SMAP1: variants seen among roughly 807,000 people sequenced by gnomAD.
The protein encoded by SMAP1 is small ArfGAP 1, also known as stromal membrane-associated protein 1.
In SMAP1, 24 loss-of-function variants were observed where a neutral mutation model predicts 58.5. The observed-to-expected ratio is 0.41, with a 90% CI of 0.30 to 0.58. The LOEUF is 0.58. Ranked by LOEUF, SMAP1 falls within the 20% of genes least tolerant of loss-of-function variation. SMAP1 has a pLI of 0.29. For synonymous variants in SMAP1, 216 were observed against 196.6 expected, an observed-to-expected ratio of 1.10 and a Z score of -0.82; for missense variants, 563 against 566.3, an observed-to-expected ratio of 0.99 and a Z score of 0.06.
At chr6:70,805,673 C>G (rs1199484492) in intron 6 of SMAP1, among the ~76,000 whole-genome samples, 1 of 152,176 alleles carries the variant, frequency 6.6e-6, no homozygotes, top group African/African-American at 2.4e-5. Context: ...TGGTGACCTA[C>G]AGATGGGGTT....
chr6:70,798,533 G>A (rs983928147), intron 5 of SMAP1, 124 bp from the exon 6 acceptor site: 17 of 649,836 alleles, frequency 2.6e-5, no homozygotes, highest in African/African-American at 1.6e-4. Context: ...TCAGTAGCAC[G>A]TAGATATTGT....
intron 2 of SMAP1, among the ~76,000 whole-genome samples, chr6:70,736,452 A>G (rs564053882): frequency 6.6e-6 from 1 of 152,298 alleles, no homozygotes; most frequent in African/African-American, 2.4e-5. Flanking sequence ...ACCAGAATTA[A>G]CTGTTGTTTT....
intron 3 of SMAP1, among the ~76,000 whole-genome samples, chr6:70,767,036 T>C (rs1370411128): frequency 6.6e-6 from 1 of 152,118 alleles, no homozygotes; most frequent in African/African-American, 2.4e-5. Flanking sequence ...TTCTCAGGTT[T>C]GTCAAAGATC....
intron 6 of SMAP1, among the ~76,000 whole-genome samples, chr6:70,827,377 A>G (rs958504930): frequency 6.6e-6 from 1 of 152,248 alleles, no homozygotes; most frequent in Non-Finnish European, 1.5e-5. Context: ...TCCTGAATAT[A>G]GCACAAAAGA....
intron 8 of SMAP1, chr6:70,856,567 C>T (rs899659994): frequency 1.8e-5 from 4 of 221,612 alleles, no homozygotes; most frequent in Admixed American, 5.5e-5. Flanking sequence ...ATTGTTGAGC[C>T]CCAGGATTTG....
intron 6 of SMAP1, among the ~76,000 whole-genome samples, chr6:70,828,020 A>T (rs962950065): frequency 1.3e-5 from 2 of 152,220 alleles, no homozygotes; most frequent in African/African-American, 4.8e-5. Flanking sequence ...ATTGGGAATA[A>T]ACAAGAATTA....
At chr6:70,757,102 T>C (rs1766525187) in intron 3 of SMAP1, among the ~76,000 whole-genome samples, 2 of 152,078 alleles carry the variant, frequency 1.3e-5, no homozygotes, top group African/African-American at 2.4e-5. Flanking sequence ...GGCATCACAC[T>C]ACCTGACTTC....
chr6:70,824,101 TG>T (rs1342605913), intron 6 of SMAP1, among the ~76,000 whole-genome samples: 6 of 152,194 alleles, frequency 3.9e-5, no homozygotes, highest in East Asian at 1.9e-4. Flanking sequence ...TCTGCCTGCC[TG>T]TCTCTCTTGT....
intron 7 of SMAP1, among the ~76,000 whole-genome samples, chr6:70,841,391 C>T (rs749713809): frequency 2.6e-5 from 4 of 152,106 alleles, no homozygotes; most frequent in African/African-American, 7.2e-5. Flanking sequence ...GGTGCACTGC[C>T]GAGGCTGTCT....
At chr6:70,696,354 C>T (rs1767404850) in intron 1 of SMAP1, among the ~76,000 whole-genome samples, 1 of 151,962 alleles carries the variant, frequency 6.6e-6, no homozygotes, top group Non-Finnish European at 1.5e-5. Context: ...TATTTGAAGT[C>T]TTCTGCTTTT....
intron 1 of SMAP1, among the ~76,000 whole-genome samples, chr6:70,682,409 G>A (rs1453141783): frequency 1.3e-5 from 2 of 151,526 alleles, no homozygotes; most frequent in Non-Finnish European, 1.5e-5. Context: ...GGCTGGTCTC[G>A]AACTCCTGAC....
chr6:70,827,566 A>G (rs1270718187), intron 6 of SMAP1, among the ~76,000 whole-genome samples: 1 of 152,230 alleles, frequency 6.6e-6, no homozygotes, highest in Admixed American at 6.5e-5. Context: ...ACTTTCTAAT[A>G]TTTGTAATTA....
intron 10 of SMAP1, 86 bp from the exon 11 acceptor site, chr6:70,860,114 G>GA (rs1224176576): frequency 2.8e-6 from 4 of 1,452,252 alleles, no homozygotes; most frequent in South Asian, 1.5e-5. Flanking sequence ...TCACATTAAT[G>GA]AAAAAATGAC....
chr6:70,755,566 T>C (rs1012694675), intron 3 of SMAP1, among the ~76,000 whole-genome samples: 1 of 152,008 alleles, frequency 6.6e-6, no homozygotes. Context: ...AGGCTATGTT[T>C]GGTAGATTAG....
At chr6:70,669,027 A>G (rs1319801538) in intron 1 of SMAP1, among the ~76,000 whole-genome samples, 1 of 152,026 alleles carries the variant, frequency 6.6e-6, no homozygotes, top group African/African-American at 2.4e-5. Context: ...TTTGAAACAG[A>G]TATACTATTT....
Position 70,857,916 on chromosome 6 carries a change from G to A in SMAP1, c.962-6G>A, listed in dbSNP as rs1771502348. The A allele has an allele frequency of 6.2e-7, 1 of 1,612,650 alleles. No individual in the cohort carries two copies. Among genetic ancestry groups the A allele is most frequent in the African/African-American group, 1.3e-5 (1 of 74,868 alleles). On this transcript the variant is annotated splice_polypyrimidine_tract_variant and splice_region_variant and intron_variant, in intron 9 of 10. Transcript: ENST00000370455. ...TGTCTTCATTCATTTTCTTTTTGTGGTGCAGGTGTATTTATGGGACCCACA... is the reference window on the plus strand; with the variant it reads ...TGTCTTCATTCATTTTCTTTTTGTGATGCAGGTGTATTTATGGGACCCACA...
chr6:70,702,641 C>CT lies in SMAP1; in HGVS notation c.119-29724dup, dbSNP rs200336798. 0.013 allele frequency among the ~76,000 whole-genome samples: 1,897 copies of CT among 144,522 alleles called. 105 individuals are homozygous for CT. In the East Asian group the frequency reaches 0.16, roughly 12 times the overall value. 94.8% of individuals were successfully genotyped at this position (144,522 alleles called of 152,430 possible). ...TTTCTTTCTTCTTCTTCTTCTTCTT[C>CT]TTTTTTTTTTTTTGAGGCAGAGTCT... On this transcript the variant is annotated intron_variant, in intron 1 of 10. Coordinates refer to ENST00000370455, the MANE Select transcript of SMAP1 (RefSeq NM_001044305.3).
intron 6 of SMAP1, among the ~76,000 whole-genome samples, chr6:70,828,996 C>T (rs535089023): frequency 7.2e-5 from 11 of 152,252 alleles, no homozygotes; most frequent in African/African-American, 2.2e-4. Flanking sequence ...CCGTGAGCTG[C>T]GATCTTGCCA....
chr6:70,780,153 A>G (rs1767703587), intron 4 of SMAP1, among the ~76,000 whole-genome samples: 1 of 152,182 alleles, frequency 6.6e-6, no homozygotes, highest in Non-Finnish European at 1.5e-5. Context: ...TACAGAGTGT[A>G]TATACCAGGG....
Sources: gnomAD v4.1 joint callset for allele counts (sites outside exome capture counted in the v4.1 genomes callset) on GRCh38, gnomAD v4.1.1 for gene constraint, MANE v1.5 for transcripts, NCBI Gene and HGNC (gene_info 2026-07-23, HGNC 2026-07-21) for gene names.